IL23R: variants seen among roughly 807,000 people sequenced by gnomAD.
IL23R encodes interleukin-23 receptor.
Under a neutral mutation model 56.9 loss-of-function variants are expected in IL23R, and 34 were observed. The ratio of observed to expected loss-of-function variants is 0.60; its 90% CI spans 0.45 to 0.80. The LOEUF is 0.80. Ranked by LOEUF, IL23R falls within the 30% of genes least tolerant of loss-of-function variation. The pLI, the probability that IL23R is intolerant of heterozygous loss-of-function variation, is 0.00. For missense variants in IL23R, 635 were observed against 730.0 expected (o/e 0.87, Z 1.50); for synonymous variants, 230 against 249.2 (o/e 0.92, Z 0.73).
intron 7 of IL23R, among the ~76,000 whole-genome samples, chr1:67,226,530 G>A (rs1650630653): frequency 6.6e-6 from 1 of 152,136 alleles, no homozygotes; most frequent in African/African-American, 2.4e-5. Context: ...TCTCTGCCGA[G>A]CCATTCTGCC....
intron 4 of IL23R, among the ~76,000 whole-genome samples, chr1:67,191,711 A>T (rs1170716923): frequency 6.6e-6 from 1 of 152,122 alleles, no homozygotes; most frequent in Admixed American, 6.6e-5. Flanking sequence ...ACTCCACTGA[A>T]ACAGCTCCTG....
At chr1:67,234,173 G>A (rs140496869) in intron 7 of IL23R, among the ~76,000 whole-genome samples, 41 of 152,168 alleles carry the variant, frequency 2.7e-4, no homozygotes, top group African/African-American at 9.4e-4. Flanking sequence ...AAGAAATGAC[G>A]TAGCCACGTG....
chr1:67,242,918 A>G (rs1241941128), intron 9 of IL23R, among the ~76,000 whole-genome samples: 2 of 152,228 alleles, frequency 1.3e-5, no homozygotes, highest in East Asian at 3.8e-4. Flanking sequence ...CCAATCAGGT[A>G]GCCAAATGTA....
intron 7 of IL23R, among the ~76,000 whole-genome samples, chr1:67,220,577 C>T (rs1458231302): frequency 6.6e-6 from 1 of 151,678 alleles, no homozygotes; most frequent in Non-Finnish European, 1.5e-5. Flanking sequence ...GTATAAAAAC[C>T]ATCTGGGAGG....
intron 10 of IL23R, among the ~76,000 whole-genome samples, chr1:67,256,502 G>T (rs749424549): frequency 6.6e-6 from 1 of 152,176 alleles, no homozygotes; most frequent in Admixed American, 6.5e-5. Flanking sequence ...TATAAAGGAG[G>T]GAAGGAACAA....
intron 9 of IL23R, 30 bp from the exon 10 acceptor site, chr1:67,255,807 T>A: frequency 1.8e-6 from 2 of 1,090,582 alleles, no homozygotes; most frequent in African/African-American, 1.5e-5. Flanking sequence ...GATTGCCTGC[T>A]TCTTCTAACG....
intron 9 of IL23R, among the ~76,000 whole-genome samples, chr1:67,242,658 T>C (rs931576875): frequency 6.6e-6 from 1 of 152,168 alleles, no homozygotes; most frequent in African/African-American, 2.4e-5. Flanking sequence ...AGTTTTGCTG[T>C]AGTGTGGATG....
chr1:67,144,970 A>G (rs1486080129), intron 1 of IL23R, among the ~76,000 whole-genome samples: 2 of 152,232 alleles, frequency 1.3e-5, no homozygotes, highest in Non-Finnish European at 2.9e-5. Flanking sequence ...ATGTTAATTT[A>G]TATTCCTTCC....
intron 7 of IL23R, among the ~76,000 whole-genome samples, chr1:67,226,083 C>T (rs11586237): frequency 0.14 from 21,011 of 152,140 alleles, 1,800 homozygotes; most frequent in Admixed American, 0.27. Context: ...TGCTCAAACC[C>T]GTTACAGGAG....
chr1:67,248,395 T>G (rs1056224718), intron 9 of IL23R, among the ~76,000 whole-genome samples: 1 of 152,228 alleles, frequency 6.6e-6, no homozygotes, highest in Non-Finnish European at 1.5e-5. Context: ...TTTCTTCCAC[T>G]TGATTGACTC....
At chr1:67,180,814 G>A (rs925796827) in intron 3 of IL23R, among the ~76,000 whole-genome samples, 7 of 152,072 alleles carry the variant, frequency 4.6e-5, no homozygotes, top group African/African-American at 1.7e-4. Flanking sequence ...GGGCAGGCCT[G>A]GTGGTGACAA....
At chr1:67,246,312 T>C (rs1652219594) in intron 9 of IL23R, among the ~76,000 whole-genome samples, 1 of 152,224 alleles carries the variant, frequency 6.6e-6, no homozygotes, top group Non-Finnish European at 1.5e-5. Context: ...TCTGTCTCCT[T>C]CAGTGCTTCT....
At chr1:67,182,036 GCC>G (rs1647152106) in intron 3 of IL23R, among the ~76,000 whole-genome samples, 1 of 152,212 alleles carries the variant, frequency 6.6e-6, no homozygotes, top group African/African-American at 2.4e-5. Context: ...GTGTCAGTCT[GCC>G]CCTACTGGGG....
At chr1:67,248,130 T>C (rs1449379416) in intron 9 of IL23R, among the ~76,000 whole-genome samples, 1 of 152,182 alleles carries the variant, frequency 6.6e-6, no homozygotes, top group African/African-American at 2.4e-5. Flanking sequence ...TGTGGTGTTC[T>C]CTATATTTCC....
chr1:67,177,437 T>A (rs2102569766), intron 3 of IL23R, among the ~76,000 whole-genome samples: 1 of 152,294 alleles, frequency 6.6e-6, no homozygotes, highest in East Asian at 1.9e-4. Context: ...TGTCTGTTCA[T>A]ATCTGTTGCC....
At chr1:67,176,513 A>C (rs1647011004) in intron 3 of IL23R, among the ~76,000 whole-genome samples, 8 of 152,192 alleles carry the variant, frequency 5.3e-5, no homozygotes, top group Admixed American at 5.2e-4. Context: ...CTAATTTAAA[A>C]TAAATTCCCT....
chr1:67,199,416 C>T (rs1455956906), intron 4 of IL23R, among the ~76,000 whole-genome samples: 6 of 152,160 alleles, frequency 3.9e-5, no homozygotes, highest in Non-Finnish European at 8.8e-5. Context: ...AAATGTCTGA[C>T]TTCACAGTCC....
intron 9 of IL23R, among the ~76,000 whole-genome samples, chr1:67,240,663 C>T (rs913303452): frequency 2.6e-5 from 4 of 152,178 alleles, no homozygotes; most frequent in African/African-American, 9.7e-5. Flanking sequence ...ACCTACAGTG[C>T]CTAGATTCTT....
At chr1:67,142,958 G>A (rs1462406193) in intron 1 of IL23R, among the ~76,000 whole-genome samples, 1 of 152,206 alleles carries the variant, frequency 6.6e-6, no homozygotes, top group African/African-American at 2.4e-5. Context: ...ATAGGTTTAA[G>A]AGGTAGGTAT....
Sources: allele counts gnomAD v4.1 joint callset (sites outside exome capture counted in the v4.1 genomes callset), GRCh38; gene constraint gnomAD v4.1.1; transcripts MANE v1.5; gene names NCBI Gene and HGNC (gene_info 2026-07-23, HGNC 2026-07-21).